Variants in TANK observed in about 807,000 individuals in gnomAD.
TANK encodes the protein TRAF family member associated NFKB activator.
TANK carries 15 observed loss-of-function variants against 43.6 expected under a neutral mutation model. The ratio of observed to expected loss-of-function variants is 0.34; its 90% CI spans 0.23 to 0.53. The LOEUF (loss-of-function observed/expected upper bound fraction) is 0.53, where lower values mean the gene tolerates loss of function less well. TANK is among the 20% of genes least tolerant of loss of function. The pLI is 0.94. For synonymous variants in TANK, 162 were observed against 178.2 expected (o/e 0.91, Z 0.73); for missense variants, 417 against 498.6 (o/e 0.84, Z 1.56).
chr2:161,172,945 C>T (rs1289639569), intron 1 of TANK, among the ~76,000 whole-genome samples: 1 of 152,158 alleles, frequency 6.6e-6, no homozygotes, highest in Admixed American at 6.6e-5. Context: ...CTTTGTCTCC[C>T]TCGCTAGTTT....
chr2:161,205,166 A>T (rs1221677813), intron 4 of TANK, among the ~76,000 whole-genome samples: 1 of 152,132 alleles, frequency 6.6e-6, no homozygotes, highest in Non-Finnish European at 1.5e-5. Flanking sequence ...TCTCTATAAA[A>T]AATGAAAAAA....
chr2:161,170,293 CTATT>C (rs1459274583), intron 1 of TANK, among the ~76,000 whole-genome samples: 1 of 152,082 alleles, frequency 6.6e-6, no homozygotes, highest in East Asian at 1.9e-4. Flanking sequence ...TTTGTTTTCT[CTATT>C]AATTAAGTTG....
intron 4 of TANK, among the ~76,000 whole-genome samples, chr2:161,215,437 A>C (rs547708680): frequency 6.6e-6 from 1 of 152,280 alleles, no homozygotes; most frequent in East Asian, 1.9e-4. Flanking sequence ...CTTGTAAATT[A>C]ATCTATATTA....
At chr2:161,198,539 T>C (rs1686258944) in intron 2 of TANK, among the ~76,000 whole-genome samples, 1 of 152,258 alleles carries the variant, frequency 6.6e-6, no homozygotes, top group African/African-American at 2.4e-5. Flanking sequence ...TGCATTGGCC[T>C]CACTCCCACG....
rs1222404381 is a variant in TANK at position 161,231,002 on chromosome 2, G to A, written c.552G>A (p.Thr184=). 1.9e-5 allele frequency: 30 copies of A among 1,613,744 alleles called. No individual in the cohort carries two copies. The highest frequency in any genetic ancestry group is 1.8e-4 in the East Asian group (8 of 44,884). Residue 184 remains threonine (T), a synonymous_variant, in exon 7 of 8, where the codon ACG becomes ACA. Coordinates refer to ENST00000392749, the MANE Select transcript of TANK (RefSeq NM_001199135.3). ...ETQCSVPIQC[T]DKTDKQEALF... ...AGTGCTCTGTGCCTATACAGTGTAC[G>A]GATAAAACAGATAAACAAGAAGCGC...
rs566441967 is a variant in TANK at position 161,228,535 on chromosome 2, C to CA, written c.521-2424dup. ...GGGCAACAAGAGCGAAGCTCGGTCT[C>CA]AAAAAAAAAAAAGTTAATATCACCC... On this transcript the variant is annotated intron_variant, in intron 6 of 7. Coordinates refer to ENST00000392749, the MANE Select transcript of TANK (RefSeq NM_001199135.3). Among the ~76,000 whole-genome samples the CA allele has an allele frequency of 9.3e-4, 133 of 143,730 alleles. 1 individual carries two copies. The South Asian group carries it at 0.013, about 14-fold the overall frequency. The allele number at this position is 143,730 out of a possible 152,430, so 94.3% of individuals were successfully genotyped here. A position where few individuals can be genotyped will look rare whatever the true frequency, so the allele number is the denominator to read the frequency against.
intron 4 of TANK, among the ~76,000 whole-genome samples, chr2:161,221,178 G>A (rs1180209364): frequency 6.6e-6 from 1 of 152,104 alleles, no homozygotes; most frequent in Non-Finnish European, 1.5e-5. Context: ...TCTTATTTCA[G>A]CATTCATTCC....
chr2:161,217,627 G>GT (rs1017462856), intron 4 of TANK, among the ~76,000 whole-genome samples: 1 of 150,860 alleles, frequency 6.6e-6, no homozygotes, highest in African/African-American at 2.4e-5. Context: ...GTGTGTGTGT[G>GT]TGTTGTCCAA....
At chr2:161,164,710 C>A (rs141688623) in intron 1 of TANK, among the ~76,000 whole-genome samples, 2,697 of 152,220 alleles carry the variant, frequency 0.018, 31 homozygotes, top group Non-Finnish European at 0.03. Context: ...AATTCCTAAT[C>A]TATAAAAGCT....
chr2:161,225,206 A>G (rs1687550525), intron 6 of TANK, among the ~76,000 whole-genome samples: 1 of 152,116 alleles, frequency 6.6e-6, no homozygotes, highest in Non-Finnish European at 1.5e-5. Context: ...TACATACACT[A>G]TGGATAGATG....
intron 1 of TANK, among the ~76,000 whole-genome samples, chr2:161,177,195 A>C (rs1685207233): frequency 6.6e-6 from 1 of 152,160 alleles, no homozygotes; most frequent in African/African-American, 2.4e-5. Context: ...GTAGCAGTAG[A>C]AACTAACTTC....
At chr2:161,207,224 A>T (rs559101404) in intron 4 of TANK, among the ~76,000 whole-genome samples, 1 of 152,290 alleles carries the variant, frequency 6.6e-6, no homozygotes, top group African/African-American at 2.4e-5. Context: ...CATTTCAGAG[A>T]TAGCCTGTGT....
Position 161,203,142 on chromosome 2 carries a change from G to T in TANK, c.100-345G>T, listed in dbSNP as rs181169467. On this transcript the variant is annotated intron_variant, in intron 2 of 7. Coordinates refer to ENST00000392749, the MANE Select transcript of TANK (RefSeq NM_001199135.3). ...ATTTTTAAAGAATCACTTTAATATA[G>T]CATCTGTTGTATCATTTGTGCTTTT... Among the ~76,000 whole-genome samples, 13 of 151,748 alleles carry T rather than the reference G, an allele frequency of 8.6e-5. No individual in the cohort carries two copies. In the East Asian group the frequency reaches 2.3e-3, roughly 27 times the overall value.
chr2:161,159,455 C>G (rs1488145710), upstream of TANK, among the ~76,000 whole-genome samples: 1 of 152,134 alleles, frequency 6.6e-6, no homozygotes, highest in Non-Finnish European at 1.5e-5. Flanking sequence ...TTACTTATTA[C>G]AAGAAAACTA....
intron 1 of TANK, 151 bp from the exon 2 acceptor site, chr2:161,179,463 T>C (rs1685319936): frequency 1.7e-6 from 1 of 573,444 alleles, no homozygotes. Context: ...TTCATACAAT[T>C]TCTAGTCAGG....
chr2:161,150,247 C>G (rs1684035844), intron 1 of TANK, among the ~76,000 whole-genome samples: 1 of 152,112 alleles, frequency 6.6e-6, no homozygotes, highest in South Asian at 2.1e-4. Context: ...TCTAGGTTAT[C>G]TAATTGGTTG....
At chr2:161,201,308 T>C in intron 2 of TANK, 5 of 887,914 alleles carry the variant, frequency 5.6e-6, no homozygotes, top group Non-Finnish European at 5.4e-6. Context: ...TATTGTAATA[T>C]CTTATATGCA....
rs183109085 is a variant in TANK at position 161,200,257 on chromosome 2, T to A, written c.100-3230T>A. The A allele has an allele frequency of 9.2e-5, 60 of 653,614 alleles. No homozygotes were observed. The East Asian group carries it at 6.1e-3, about 66-fold the overall frequency. The allele number at this position is 653,614 out of a possible 1,614,324, so 40.5% of individuals were successfully genotyped here. On this transcript the variant is annotated intron_variant, in intron 2 of 7. Transcript: ENST00000392749. Reference sequence around the variant, plus strand: ...TGTGGTTGTTAGTGAGTTTTCTGTTTCGTGGGGTCTTTGATAGTGCTAGAA... The same window carrying A: ...TGTGGTTGTTAGTGAGTTTTCTGTTACGTGGGGTCTTTGATAGTGCTAGAA...
chr2:161,189,067 A>G (rs1442952057), intron 2 of TANK, among the ~76,000 whole-genome samples: 1 of 152,224 alleles, frequency 6.6e-6, no homozygotes, highest in Non-Finnish European at 1.5e-5. Flanking sequence ...TTTATAATTT[A>G]TCCAACCTCA....
Sources: gnomAD v4.1 joint callset for allele counts (sites outside exome capture counted in the v4.1 genomes callset) on GRCh38, gnomAD v4.1.1 for gene constraint, MANE v1.5 for transcripts, NCBI Gene and HGNC (gene_info 2026-07-23, HGNC 2026-07-21) for gene names.